Variants in ANKS1B observed in about 807,000 individuals in gnomAD.
ANKS1B encodes ankyrin repeat and sterile alpha motif domain-containing protein 1B.
Under a neutral mutation model 148.3 loss-of-function variants are expected in ANKS1B, and 36 were observed. That is an observed-to-expected ratio of 0.24 (90% CI 0.19 to 0.32). The LOEUF is 0.32. Among genes scored for constraint, ANKS1B ranks in the 10% least tolerant of loss-of-function variants. The pLI, the probability that ANKS1B is intolerant of heterozygous loss-of-function variation, is 1.00. For synonymous variants in ANKS1B, 542 were observed against 560.8 expected (o/e 0.97, Z 0.47); for missense variants, 1,157 against 1,542.6 (o/e 0.75, Z 4.19).
intron 22 of ANKS1B, among the ~76,000 whole-genome samples, chr12:98,790,910 T>C (rs549075361): frequency 2.6e-5 from 4 of 152,254 alleles, no homozygotes; most frequent in African/African-American, 9.6e-5. Context: ...CTTTCAGTGA[T>C]GTGAAGTAGT....
At chr12:98,979,147 AAAGAAATTTT>A (rs2099904375) in intron 17 of ANKS1B, among the ~76,000 whole-genome samples, 1 of 151,876 alleles carries the variant, frequency 6.6e-6, no homozygotes, top group African/African-American at 2.4e-5. Flanking sequence ...GTCTCAAAAA[AAAGAAATTTT>A]TTTTTAAATG....
intron 1 of ANKS1B, among the ~76,000 whole-genome samples, chr12:99,865,350 T>G (rs918852107): frequency 4.6e-5 from 7 of 152,184 alleles, no homozygotes; most frequent in Non-Finnish European, 7.3e-5. Context: ...ATTGGCCCCC[T>G]GGACTCGTAA....
At chr12:99,946,405 G>A (rs1406047445) in intron 1 of ANKS1B, among the ~76,000 whole-genome samples, 2 of 152,140 alleles carry the variant, frequency 1.3e-5, no homozygotes, top group Admixed American at 6.5e-5. Context: ...GAGTTCTGGT[G>A]TGCAGATGGC....
intron 16 of ANKS1B, among the ~76,000 whole-genome samples, chr12:99,065,590 T>TCATC (rs200122902): frequency 0.11 from 7,133 of 65,280 alleles, 302 homozygotes; most frequent in Non-Finnish European, 0.19. Context: ...TCCATTCCAT[T>TCATC]CATCCATCCA....
At chr12:98,858,768 G>C (rs2099584483) in intron 17 of ANKS1B, among the ~76,000 whole-genome samples, 2 of 152,192 alleles carry the variant, frequency 1.3e-5, no homozygotes, top group Admixed American at 6.5e-5. Context: ...AGCAGGGATA[G>C]AACACTTCTC....
At chr12:99,867,366 C>A (rs2153724256) in intron 1 of ANKS1B, among the ~76,000 whole-genome samples, 1 of 152,182 alleles carries the variant, frequency 6.6e-6, no homozygotes, top group African/African-American at 2.4e-5. Flanking sequence ...ATAAATAACA[C>A]CAATTATATC....
chr12:99,379,184 G>T (rs2093532308), intron 12 of ANKS1B, among the ~76,000 whole-genome samples: 1 of 152,218 alleles, frequency 6.6e-6, no homozygotes, highest in Non-Finnish European at 1.5e-5. Context: ...AAAAGATCTA[G>T]TGTATGTGGA....
In ANKS1B at chr12:99,951,713, G is replaced by GAA. The variant is rs34999951; in HGVS notation, c.134+32389_134+32390dup. 1.4e-4 allele frequency among the ~76,000 whole-genome samples: 20 copies of GAA among 144,060 alleles called. No homozygotes were observed. In the East Asian group the frequency reaches 3.0e-3, roughly 22 times the overall value. 94.5% of individuals were successfully genotyped at this position (144,060 alleles called of 152,430 possible). A position where few individuals can be genotyped will look rare whatever the true frequency, so the allele number is the denominator to read the frequency against. ...AACATAGCAAGACCTTGCCTCTACC[G>GAA]AAAAAAAAAAAAAAATTAAAATTAG... On this transcript the variant is annotated intron_variant, in intron 1 of 26. Coordinates refer to ENST00000683438, the MANE Select transcript of ANKS1B (RefSeq NM_001352186.2).
rs553979465 is a variant in ANKS1B at position 99,869,466 on chromosome 12, G to T, written c.135-44077C>A. 3.3e-5 allele frequency among the ~76,000 whole-genome samples: 5 copies of T among 152,130 alleles called. No individual in the cohort carries two copies. In the South Asian group the frequency reaches 1.0e-3, roughly 32 times the overall value. ...AGGCAGGAGGATCACCTGAGGTTGGGAGTTTGAGACCAGCCTGACCAACAT... is the reference window on the plus strand; with the variant it reads ...AGGCAGGAGGATCACCTGAGGTTGGTAGTTTGAGACCAGCCTGACCAACAT... On this transcript the variant is annotated intron_variant, in intron 1 of 26. Coordinates refer to ENST00000683438, the MANE Select transcript of ANKS1B (RefSeq NM_001352186.2).
At chr12:99,451,460 A>G (rs1427156574) in intron 10 of ANKS1B, among the ~76,000 whole-genome samples, 1 of 152,174 alleles carries the variant, frequency 6.6e-6, no homozygotes, top group African/African-American at 2.4e-5. Context: ...AAGAGGCAGG[A>G]GTTATGAAGG....
intron 24 of ANKS1B, among the ~76,000 whole-genome samples, chr12:98,779,377 T>C (rs2098711900): frequency 6.6e-6 from 1 of 152,182 alleles, no homozygotes; most frequent in Non-Finnish European, 1.5e-5. Flanking sequence ...GAGAAAATGC[T>C]ATTAATACAG....
intron 15 of ANKS1B, among the ~76,000 whole-genome samples, chr12:99,134,341 C>T: frequency 6.6e-6 from 1 of 151,900 alleles, no homozygotes; most frequent in Non-Finnish European, 1.5e-5. Context: ...TTCCAGAAGT[C>T]AGAAAGAGCG....
chr12:99,044,490 C>T (rs1304454585), intron 17 of ANKS1B, among the ~76,000 whole-genome samples: 1 of 152,116 alleles, frequency 6.6e-6, no homozygotes, highest in Non-Finnish European at 1.5e-5. Flanking sequence ...CCTGGGCATA[C>T]TGGGAAGCTG....
chr12:99,164,566 A>G (rs2077015932), intron 14 of ANKS1B, among the ~76,000 whole-genome samples: 1 of 152,010 alleles, frequency 6.6e-6, no homozygotes, highest in Non-Finnish European at 1.5e-5. Flanking sequence ...TCAGATATAT[A>G]CTTTTCTATG....
chr12:99,705,765 G>C, intron 8 of ANKS1B, among the ~76,000 whole-genome samples: 1 of 152,094 alleles, frequency 6.6e-6, no homozygotes, highest in East Asian at 1.9e-4. Flanking sequence ...ATACCTATCA[G>C]AAGGAGTAGA....
intron 1 of ANKS1B, among the ~76,000 whole-genome samples, chr12:99,974,741 G>C (rs1352474593): frequency 6.6e-6 from 1 of 151,942 alleles, no homozygotes; most frequent in Non-Finnish European, 1.5e-5. Flanking sequence ...GACCCCAACA[G>C]ACAGGGTTTC....
intron 11 of ANKS1B, among the ~76,000 whole-genome samples, chr12:99,418,874 T>C (rs1365636627): frequency 6.6e-6 from 1 of 152,208 alleles, no homozygotes; most frequent in Non-Finnish European, 1.5e-5. Flanking sequence ...TGAATGGGTG[T>C]TGAATTTTGT....
In ANKS1B at chr12:99,575,220, G is replaced by T. The variant is rs533824765; in HGVS notation, c.1273-70579C>A. Among the ~76,000 whole-genome samples, 3 of 152,114 alleles carry T rather than the reference G, an allele frequency of 2.0e-5. No individual in the cohort carries two copies. The East Asian group carries it at 5.8e-4, about 29-fold the overall frequency. ...TAGCAGAAACCTTACAAGTCAGAGA[G>T]GTTGGGGACCTATAGTCAGCATCCT... On this transcript the variant is annotated intron_variant, in intron 9 of 26. Coordinates refer to ENST00000683438, the MANE Select transcript of ANKS1B (RefSeq NM_001352186.2).
chr12:99,451,840 T>C (rs1025413076), intron 10 of ANKS1B, among the ~76,000 whole-genome samples: 2 of 152,060 alleles, frequency 1.3e-5, no homozygotes, highest in Middle Eastern at 3.4e-3. Flanking sequence ...GCCTGACACA[T>C]AGTAAGTGCT....
Sources: allele counts gnomAD v4.1 joint callset (sites outside exome capture counted in the v4.1 genomes callset), GRCh38; gene constraint gnomAD v4.1.1; transcripts MANE v1.5; gene names NCBI Gene and HGNC (gene_info 2026-07-23, HGNC 2026-07-21).